Variants in BBX observed in about 807,000 individuals in gnomAD.
The protein encoded by BBX is BBX high mobility group box domain containing.
A neutral mutation model predicts 100.2 loss-of-function variants in BBX; 30 were observed. The observed-to-expected ratio is 0.30, with a 90% CI of 0.22 to 0.41. The LOEUF (loss-of-function observed/expected upper bound fraction) is 0.41, where lower values mean the gene tolerates loss of function less well. Ranked by LOEUF, BBX falls within the 10% of genes least tolerant of loss-of-function variation. The probability of loss-of-function intolerance (pLI) is 1.00; values close to 1 mark genes in which losing one functional copy is unlikely to be tolerated. For synonymous variants in BBX, 376 were observed against 388.1 expected (o/e 0.97, Z 0.37); for missense variants, 1,023 against 1,129.8 (o/e 0.91, Z 1.35).
intron 10 of BBX, among the ~76,000 whole-genome samples, chr3:107,771,719 A>G (rs1445562193): frequency 6.6e-6 from 1 of 152,214 alleles, no homozygotes; most frequent in African/African-American, 2.4e-5. Context: ...TTCTCAGAGC[A>G]TTTATGACTT....
chr3:107,784,781 G>A (rs1168306237), intron 13 of BBX, among the ~76,000 whole-genome samples: 1 of 151,552 alleles, frequency 6.6e-6, no homozygotes, highest in Non-Finnish European at 1.5e-5. Flanking sequence ...CTCAAAGGAA[G>A]CAGAAGAAAG....
At chr3:107,653,094 T>C (rs1006869800) in intron 3 of BBX, among the ~76,000 whole-genome samples, 2 of 152,200 alleles carry the variant, frequency 1.3e-5, no homozygotes, top group African/African-American at 2.4e-5. Context: ...CTGGTCTACA[T>C]GGAAATTTTT....
intron 15 of BBX, among the ~76,000 whole-genome samples, chr3:107,793,122 T>G (rs904546415): frequency 6.6e-6 from 1 of 152,180 alleles, no homozygotes; most frequent in African/African-American, 2.4e-5. Context: ...GTACACAGAC[T>G]GTAAATTCTG....
intron 3 of BBX, among the ~76,000 whole-genome samples, chr3:107,663,482 A>G (rs1426402302): frequency 6.6e-6 from 1 of 152,128 alleles, no homozygotes; most frequent in African/African-American, 2.4e-5. Flanking sequence ...CCCCACCCAG[A>G]TTCCATTGCC....
chr3:107,654,028 C>G (rs1284705511), intron 3 of BBX, among the ~76,000 whole-genome samples: 1 of 152,140 alleles, frequency 6.6e-6, no homozygotes, highest in Non-Finnish European at 1.5e-5. Context: ...TTGAATACCA[C>G]TATGTTTTCA....
chr3:107,557,014 T>C (rs990717419), intron 2 of BBX, among the ~76,000 whole-genome samples: 3 of 152,208 alleles, frequency 2.0e-5, no homozygotes, highest in Admixed American at 1.3e-4. Flanking sequence ...CTTTTGATTT[T>C]TGATTTTTTA....
chr3:107,691,167 C>T (rs1281872456), intron 3 of BBX, among the ~76,000 whole-genome samples: 1 of 152,044 alleles, frequency 6.6e-6, no homozygotes, highest in African/African-American at 2.4e-5. Context: ...CTTGACCTAA[C>T]ATAGTGCTGG....
intron 3 of BBX, among the ~76,000 whole-genome samples, chr3:107,707,780 C>T (rs1489364414): frequency 6.6e-6 from 1 of 152,034 alleles, no homozygotes; most frequent in Non-Finnish European, 1.5e-5. Flanking sequence ...TTCTTGAGAC[C>T]CTGTTTTTCT....
At chr3:107,742,314 CT>C (rs1200031918) in intron 7 of BBX, among the ~76,000 whole-genome samples, 176 of 142,904 alleles carry the variant, frequency 1.2e-3, no homozygotes, top group Middle Eastern at 3.6e-3. Context: ...CCTCCTTTTT[CT>C]TTTTTTTTTT....
intron 3 of BBX, among the ~76,000 whole-genome samples, chr3:107,666,344 A>T (rs186938717): frequency 1.3e-5 from 2 of 152,306 alleles, no homozygotes. Context: ...TAGCCAGTGG[A>T]CACATTACGC....
intron 2 of BBX, among the ~76,000 whole-genome samples, chr3:107,580,994 C>A (rs1336809942): frequency 6.6e-6 from 1 of 152,158 alleles, no homozygotes; most frequent in Non-Finnish European, 1.5e-5. Context: ...TGTAACTATG[C>A]AAACAAATGT....
chr3:107,696,470 T>A (rs1185084784), intron 3 of BBX, among the ~76,000 whole-genome samples: 1 of 150,910 alleles, frequency 6.6e-6, no homozygotes, highest in African/African-American at 2.4e-5. Context: ...TTAGTTTGGC[T>A]GGATATGAAA....
At chr3:107,795,036 G>C (rs368111207) in intron 15 of BBX, among the ~76,000 whole-genome samples, 33 of 152,252 alleles carry the variant, frequency 2.2e-4, no homozygotes, top group African/African-American at 7.7e-4. Context: ...TGAAGTGTTC[G>C]GGTAGTTTTG....
At chr3:107,603,434 A>G (rs1036322507) in intron 2 of BBX, among the ~76,000 whole-genome samples, 2 of 151,964 alleles carry the variant, frequency 1.3e-5, no homozygotes, top group African/African-American at 4.8e-5. Flanking sequence ...GCTGGAGTGC[A>G]GTGGTGGGAT....
At chr3:107,763,771 CT>C (rs2066124316) in intron 10 of BBX, among the ~76,000 whole-genome samples, 1 of 152,034 alleles carries the variant, frequency 6.6e-6, no homozygotes, top group Non-Finnish European at 1.5e-5. Context: ...TTTTCTTTTT[CT>C]TTTGGGAGTG....
intron 2 of BBX, among the ~76,000 whole-genome samples, chr3:107,588,612 A>G (rs1182483561): frequency 1.3e-5 from 2 of 152,264 alleles, no homozygotes; most frequent in Non-Finnish European, 1.5e-5. Flanking sequence ...TAAGCTGCTT[A>G]ACTCCTGTGT....
intron 2 of BBX, among the ~76,000 whole-genome samples, chr3:107,537,937 C>G (rs2048610957): frequency 6.6e-6 from 1 of 152,198 alleles, no homozygotes; most frequent in African/African-American, 2.4e-5. Flanking sequence ...AAGCTCACAT[C>G]AGTAATAACC....
chr3:107,577,289 G>A (rs1171018617), intron 2 of BBX, among the ~76,000 whole-genome samples: 2 of 152,232 alleles, frequency 1.3e-5, no homozygotes, highest in East Asian at 3.8e-4. Context: ...GGTGGACTCA[G>A]TATATGGTAC....
At chr3:107,804,782 A>C (rs1393480371) in intron 17 of BBX, among the ~76,000 whole-genome samples, 1 of 150,726 alleles carries the variant, frequency 6.6e-6, no homozygotes, top group African/African-American at 2.4e-5. Context: ...TGTGCATGTG[A>C]GTTCAGAGGG....
Sources: allele counts gnomAD v4.1 joint callset (sites outside exome capture counted in the v4.1 genomes callset), GRCh38; gene constraint gnomAD v4.1.1; transcripts MANE v1.5; gene names NCBI Gene and HGNC (gene_info 2026-07-23, HGNC 2026-07-21).